ARHGAP18: variants seen among roughly 807,000 people sequenced by gnomAD.
ARHGAP18 encodes the protein rho GTPase-activating protein 18.
A neutral mutation model predicts 86.2 loss-of-function variants in ARHGAP18; 67 were observed. The ratio of observed to expected loss-of-function variants is 0.78; its 90% confidence interval spans 0.64 to 0.95. The LOEUF is 0.95. Among genes scored for constraint, ARHGAP18 ranks in the 40% least tolerant of loss-of-function variants. ARHGAP18 has a pLI of 0.00. For synonymous variants in ARHGAP18, 283 were observed against 280.4 expected (o/e 1.01, Z -0.09); for missense variants, 691 against 780.4 (o/e 0.89, Z 1.37).
chr6:129,676,915 C>CTTTTTTTTTTTTTTTTTTTTT lies in ARHGAP18; in HGVS notation c.113+33088_113+33108dup, dbSNP rs10688716. On this transcript the variant is annotated intron_variant, in intron 1 of 14. Coordinates refer to ENST00000368149, the MANE Select transcript of ARHGAP18 (RefSeq NM_033515.3). The stretch of plus-strand genomic sequence containing the variant: ...AAACAGATGAAAAATTTTTTGTCCT[C>CTTTTTTTTTTTTTTTTTTTTT]TTTTTTTTTTTTTTTTTTTTTTTTT... Among the ~76,000 whole-genome samples, 15 of 37,996 alleles carry CTTTTTTTTTTTTTTTTTTTTT rather than the reference C, an allele frequency of 3.9e-4. 1 individual carries two copies. The highest frequency in any genetic ancestry group is 9.6e-4 in the African/African-American group (14 of 14,520). 24.9% of individuals were successfully genotyped at this position (37,996 alleles called of 152,430 possible). A position where few individuals can be genotyped will look rare whatever the true frequency, so the allele number is the denominator to read the frequency against.
intron 5 of ARHGAP18, 65 bp from the exon 6 acceptor site, chr6:129,618,917 G>A: frequency 2.2e-6 from 3 of 1,387,532 alleles, no homozygotes; most frequent in Non-Finnish European, 2.0e-6. Context: ...AATGCAGGAA[G>A]GAAAAACCAA....
intron 1 of ARHGAP18, among the ~76,000 whole-genome samples, chr6:129,707,404 C>T (rs894711380): frequency 6.6e-6 from 1 of 151,998 alleles, no homozygotes; most frequent in Admixed American, 6.6e-5. Flanking sequence ...TACTTCCGTG[C>T]TATCTTCTAT....
intron 3 of ARHGAP18, among the ~76,000 whole-genome samples, chr6:129,636,725 A>G (rs1773339390): frequency 6.6e-6 from 1 of 152,202 alleles, no homozygotes; most frequent in Non-Finnish European, 1.5e-5. Context: ...AAAAGTACAA[A>G]AAATTAGCTG....
At chr6:129,625,702 A>T (rs1442827439) in intron 5 of ARHGAP18, among the ~76,000 whole-genome samples, 21 of 38,112 alleles carry the variant, frequency 5.5e-4, no homozygotes, top group Middle Eastern at 0.038. Flanking sequence ...TTATATATTT[A>T]TATATTATAT....
At chr6:129,671,514 C>G (rs1467331503) in intron 1 of ARHGAP18, among the ~76,000 whole-genome samples, 2 of 151,974 alleles carry the variant, frequency 1.3e-5, no homozygotes, top group Non-Finnish European at 2.9e-5. Flanking sequence ...GCCTGGGCAA[C>G]AAAGCAAGAC....
intron 1 of ARHGAP18, among the ~76,000 whole-genome samples, chr6:129,652,773 T>A (rs1244770149): frequency 6.6e-6 from 1 of 152,224 alleles, no homozygotes; most frequent in Admixed American, 6.5e-5. Flanking sequence ...TGATATCCCT[T>A]CAGTTCATAA....
chr6:129,621,654 C>T (rs1554335536), intron 5 of ARHGAP18, among the ~76,000 whole-genome samples: 1 of 152,046 alleles, frequency 6.6e-6, no homozygotes, highest in Admixed American at 6.5e-5. Flanking sequence ...ATAAATAGCA[C>T]TCAAAAAGTA....
intron 1 of ARHGAP18, among the ~76,000 whole-genome samples, chr6:129,654,029 C>T (rs918481286): frequency 7.9e-5 from 12 of 152,032 alleles, no homozygotes; most frequent in Admixed American, 1.3e-4. Context: ...GGTGACAGAG[C>T]GAGACCCTGT....
At chr6:129,696,639 C>T (rs562793765) in intron 1 of ARHGAP18, among the ~76,000 whole-genome samples, 89 of 152,150 alleles carry the variant, frequency 5.8e-4, no homozygotes, top group African/African-American at 2.0e-3. Context: ...AGAATAATAC[C>T]GGGCCCCTGC....
Position 129,608,063 on chromosome 6 carries a change from C to A in ARHGAP18, c.1123-11G>T, listed in dbSNP as rs372719398. The A allele has an allele frequency of 1.5e-3, 950 of 643,110 alleles. 4 individuals carry two copies. In the South Asian group the frequency reaches 0.024, roughly 16 times the overall value. 39.8% of individuals were successfully genotyped at this position (643,110 alleles called of 1,614,324 possible). The stretch of plus-strand genomic sequence containing the variant: ...TTCTTGGCAAAGATTCTGATAGGCA[C>A]GAAAAAAAAAAAAAAAAAAAAAAGA... On this transcript the variant is annotated splice_polypyrimidine_tract_variant and intron_variant, in intron 8 of 14. Transcript: ENST00000368149.
chr6:129,654,051 T>TAC (rs1335038076), intron 1 of ARHGAP18, among the ~76,000 whole-genome samples: 1 of 151,840 alleles, frequency 6.6e-6, no homozygotes, highest in Admixed American at 6.6e-5. Flanking sequence ...TGGAAAAACA[T>TAC]ACACACACAC....
chr6:129,684,075 C>G (rs1774383592), intron 1 of ARHGAP18, among the ~76,000 whole-genome samples: 1 of 152,102 alleles, frequency 6.6e-6, no homozygotes, highest in Non-Finnish European at 1.5e-5. Flanking sequence ...AATAACAAAG[C>G]TTAGTAAGAG....
At chr6:129,585,518 A>T (rs929067845) in intron 12 of ARHGAP18, among the ~76,000 whole-genome samples, 1 of 152,184 alleles carries the variant, frequency 6.6e-6, no homozygotes, top group Non-Finnish European at 1.5e-5. Flanking sequence ...TACAGTGAGT[A>T]TGGGATTGTG....
At chr6:129,582,332 C>T (rs1424455898) in intron 13 of ARHGAP18, among the ~76,000 whole-genome samples, 1 of 152,128 alleles carries the variant, frequency 6.6e-6, no homozygotes, top group African/African-American at 2.4e-5. Flanking sequence ...TGGGGTACAG[C>T]TTCATAGTCT....
At chr6:129,670,105 A>G (rs1774116163) in intron 1 of ARHGAP18, among the ~76,000 whole-genome samples, 1 of 152,186 alleles carries the variant, frequency 6.6e-6, no homozygotes, top group Non-Finnish European at 1.5e-5. Context: ...ACTTTGCTGG[A>G]CTGAAATAAA....
chr6:129,591,541 T>C (rs1788513828), intron 12 of ARHGAP18, among the ~76,000 whole-genome samples: 1 of 152,234 alleles, frequency 6.6e-6, no homozygotes, highest in African/African-American at 2.4e-5. Context: ...ATGTTTTACA[T>C]ATTGAACTGA....
At chr6:129,606,199 C>A (rs998006914) in intron 9 of ARHGAP18, among the ~76,000 whole-genome samples, 2 of 152,140 alleles carry the variant, frequency 1.3e-5, no homozygotes, top group South Asian at 2.1e-4. Context: ...ATATGACGTG[C>A]GGCCTTATGT....
At chr6:129,669,221 G>A (rs1165975942) in intron 1 of ARHGAP18, among the ~76,000 whole-genome samples, 1 of 151,602 alleles carries the variant, frequency 6.6e-6, no homozygotes, top group Non-Finnish European at 1.5e-5. Flanking sequence ...GCCCAGGCTG[G>A]AGTGCAATGG....
chr6:129,640,885 G>A (rs1773443571), intron 2 of ARHGAP18, among the ~76,000 whole-genome samples: 1 of 152,118 alleles, frequency 6.6e-6, no homozygotes, highest in Admixed American at 6.6e-5. Context: ...AAGAGAATTG[G>A]ACATGAAAAA....
Sources: gnomAD v4.1 joint callset for allele counts (sites outside exome capture counted in the v4.1 genomes callset) on GRCh38, gnomAD v4.1.1 for gene constraint, MANE v1.5 for transcripts, NCBI Gene and HGNC (gene_info 2026-07-23, HGNC 2026-07-21) for gene names.